Variants in CIITA observed in about 807,000 individuals in gnomAD.
CIITA encodes the protein class II major histocompatibility complex transactivator.
CIITA carries 72 observed loss-of-function variants against 115.1 expected under a neutral mutation model. The ratio of observed to expected loss-of-function variants is 0.63; its 90% CI spans 0.52 to 0.76. The LOEUF is 0.76. Among genes scored for constraint, CIITA ranks in the 30% least tolerant of loss-of-function variants. The pLI, the probability that CIITA is intolerant of heterozygous loss-of-function variation, is 0.00. For synonymous variants in CIITA, 763 were observed against 635.6 expected, an observed-to-expected ratio of 1.20 and a Z score of -3.02; for missense variants, 1,617 against 1,463.8, an observed-to-expected ratio of 1.10 and a Z score of -1.71.
rs1422244866 is a variant in CIITA, at chr16:10,923,367, G to C, written c.*22+42G>C. 1.4e-6 allele frequency: 2 copies of C among 1,466,016 alleles called. No individual in the cohort carries two copies. The highest frequency in any genetic ancestry group is 2.8e-5 in the African/African-American group (2 of 71,728). 90.8% of individuals were successfully genotyped at this position (1,466,016 alleles called of 1,614,324 possible). On this transcript the variant is annotated intron_variant, in intron 19 of 19. Transcript: ENST00000324288. The surrounding 1 kb of genome is among the most constrained non-coding windows in gnomAD (Gnocchi z 5.2). ...TGGGAGGGGAGAGCCGCAGTGGGTT[G>C]GGGGCAGTGTCCTTGTGAAGGTGGC... is the stretch of plus-strand genomic sequence containing the variant.
rs2040513564 is a variant in CIITA at position 10,925,911 on chromosome 16, G to GC, written c.*2056_*2057insC. ...CACAGCTCTGTCCTGGGAGTGAGCT[G>GC]GTTTTTAGCGGAGACGGAGTCCCAC... is the stretch of plus-strand genomic sequence containing the variant. On this transcript the variant is annotated 3_prime_UTR_variant, in exon 20 of 20. Coordinates refer to ENST00000324288, the MANE Select transcript of CIITA (RefSeq NM_000246.4). 6.6e-6 allele frequency: 1 copy of GC among 152,248 alleles called. No individual in the cohort carries two copies. The highest frequency in any genetic ancestry group is 2.4e-5 in the African/African-American group (1 of 41,462). The allele number at this position is 152,248 out of a possible 1,614,324, so 9.4% of individuals were successfully genotyped here. A position where few individuals can be genotyped will look rare whatever the true frequency, so the allele number is the denominator to read the frequency against.
In CIITA at chr16:10,931,896, A is replaced by T. The variant is rs2040814508; in HGVS notation, c.*8041A>T. ...ACAGAGTGAGACTCTGTCTCAAAAA[A>T]ACACAAAAGTTTCTCTTTTCAAAAC... is the stretch of plus-strand genomic sequence containing the variant. On this transcript the variant is annotated 3_prime_UTR_variant, in exon 20 of 20. Transcript: ENST00000324288. 2 of 152,256 alleles carry T rather than the reference A, an allele frequency of 1.3e-5. No individual in the cohort carries two copies. The highest frequency in any genetic ancestry group is 2.9e-5 in the Non-Finnish European group (2 of 68,052). The allele number at this position is 152,256 out of a possible 1,614,324, so 9.4% of individuals were successfully genotyped here.
chr16:10,919,381 G>A (rs960060564), intron 16 of CIITA, among the ~76,000 whole-genome samples: 9 of 152,130 alleles, frequency 5.9e-5, no homozygotes, highest in Non-Finnish European at 1.5e-5. Context: ...ATTTTTAGTA[G>A]AGACAGGGTT....
rs980896276 is a variant in CIITA at position 10,933,240 on chromosome 16, G to C, written c.*9385G>C. ...GCTGGTTTCTGTAGTCAGAATGACAGTTGGGTGCTAGATCCCCTTCGTGAA... is the reference window on the plus strand; with the variant it reads ...GCTGGTTTCTGTAGTCAGAATGACACTTGGGTGCTAGATCCCCTTCGTGAA... On this transcript the variant is annotated 3_prime_UTR_variant, in exon 20 of 20. Coordinates refer to ENST00000324288, the MANE Select transcript of CIITA (RefSeq NM_000246.4). 4.6e-5 allele frequency: 7 copies of C among 152,308 alleles called. No homozygotes were observed. Among genetic ancestry groups the C allele is most frequent in the Non-Finnish European group, 1.0e-4 (7 of 68,116 alleles). The allele number at this position is 152,308 out of a possible 1,614,324, so 9.4% of individuals were successfully genotyped here. A position where few individuals can be genotyped will look rare whatever the true frequency, so the allele number is the denominator to read the frequency against.
Position 10,927,103 on chromosome 16 carries a change from A to C in CIITA, c.*3248A>C, listed in dbSNP as rs2040563141. The C allele has an allele frequency of 6.6e-6, 1 of 152,222 alleles. No individual in the cohort carries two copies. 9.4% of individuals were successfully genotyped at this position (152,222 alleles called of 1,614,324 possible). A position where few individuals can be genotyped will look rare whatever the true frequency, so the allele number is the denominator to read the frequency against. On this transcript the variant is annotated 3_prime_UTR_variant, in exon 20 of 20. Transcript: ENST00000324288. The stretch of plus-strand genomic sequence containing the variant: ...GGCATAACCACAGCACCTTCTTTAT[A>C]GGATTATGTGAAGGTGTGGTGAGCT...
At chr16:10,887,436 C>T (rs1158241488) in intron 1 of CIITA, among the ~76,000 whole-genome samples, 1 of 152,108 alleles carries the variant, frequency 6.6e-6, no homozygotes, top group Non-Finnish European at 1.5e-5. Flanking sequence ...CAGAGGTCTT[C>T]CCATTATTCC....
chr16:10,869,342 C>A (rs1224072337), intron 1 of CIITA, among the ~76,000 whole-genome samples: 12 of 152,198 alleles, frequency 7.9e-5, no homozygotes, highest in Admixed American at 7.9e-4. Flanking sequence ...GCCTCAGAAC[C>A]TTTGCACATG....
intron 1 of CIITA, among the ~76,000 whole-genome samples, chr16:10,883,162 T>G (rs1391921295): frequency 6.6e-6 from 1 of 151,190 alleles, no homozygotes; most frequent in East Asian, 1.9e-4. Flanking sequence ...AGGACTGGAG[T>G]GTGGGGCCTG....
chr16:10,912,678 A>T (rs2039661161), intron 13 of CIITA, among the ~76,000 whole-genome samples: 1 of 152,224 alleles, frequency 6.6e-6, no homozygotes, highest in South Asian at 2.1e-4. Flanking sequence ...AATGATGCTG[A>T]AAAGGGGAAA....
chr16:10,883,966 C>T (rs756733896), intron 1 of CIITA, among the ~76,000 whole-genome samples: 5 of 152,204 alleles, frequency 3.3e-5, no homozygotes, highest in Non-Finnish European at 5.9e-5. Context: ...CAGACTGATA[C>T]ATTTGTTATA....
chr16:10,932,276 A>T lies in CIITA; in HGVS notation c.*8421A>T, dbSNP rs79072481. 2.6e-5 allele frequency: 4 copies of T among 152,350 alleles called. No homozygotes were observed. In the East Asian group the frequency reaches 7.7e-4, roughly 29 times the overall value. The allele number at this position is 152,350 out of a possible 1,614,324, so 9.4% of individuals were successfully genotyped here. On this transcript the variant is annotated 3_prime_UTR_variant, in exon 20 of 20. Coordinates refer to ENST00000324288, the MANE Select transcript of CIITA (RefSeq NM_000246.4). ...TGGCAAACGCTAAATGAAAATCGTG[A>T]CAACACTTGTGTTATGAAGCATTTA...
At chr16:10,914,935 C>A (rs977315934) in intron 13 of CIITA, 4 of 367,580 alleles carry the variant, frequency 1.1e-5, no homozygotes, top group Non-Finnish European at 2.2e-5. Context: ...CCCCAGGCTG[C>A]GGCGGGAGAA....
At chr16:10,913,053 C>G (rs1053264515) in intron 13 of CIITA, among the ~76,000 whole-genome samples, 2 of 152,250 alleles carry the variant, frequency 1.3e-5, no homozygotes, top group African/African-American at 4.8e-5. Flanking sequence ...ATCTCCTACA[C>G]TCGCTGGGTG....
chr16:10,901,962 G>T lies in CIITA; in HGVS notation c.482-76G>T. 1.3e-6 allele frequency: 2 copies of T among 1,580,790 alleles called. No individual in the cohort carries two copies. The highest frequency in any genetic ancestry group is 1.7e-6 in the Non-Finnish European group (2 of 1,155,176). On this transcript the variant is annotated intron_variant, in intron 6 of 19. Transcript: ENST00000324288. This position sits in a 1 kb window ranked among gnomAD's most constrained non-coding sequence, Gnocchi z 6.8. ...TTCCTCTGTCAGGAGAGACATCCATGCCACTCCAGGGCCCTCCCCATCCCA... is the reference window on the plus strand; with the variant it reads ...TTCCTCTGTCAGGAGAGACATCCATTCCACTCCAGGGCCCTCCCCATCCCA...
At chr16:10,914,512 A>G (rs1364521335) in intron 13 of CIITA, among the ~76,000 whole-genome samples, 1 of 152,272 alleles carries the variant, frequency 6.6e-6, no homozygotes, top group African/African-American at 2.4e-5. Context: ...TTACCAAAGA[A>G]TGATCATTCT....
rs2040766846 is a variant in CIITA at position 10,931,067 on chromosome 16, G to A, written c.*7212G>A. 1.3e-5 allele frequency: 2 copies of A among 152,764 alleles called. No homozygotes were observed. Among genetic ancestry groups the A allele is most frequent in the African/African-American group, 4.8e-5 (2 of 41,462 alleles). 9.5% of individuals were successfully genotyped at this position (152,764 alleles called of 1,614,324 possible). On this transcript the variant is annotated 3_prime_UTR_variant, in exon 20 of 20. Transcript: ENST00000324288. The stretch of plus-strand genomic sequence containing the variant: ...CAGCTGGATAGAGTGGTTCATGCTT[G>A]TAATCCCAGCACTTTGGGAGGCTGG...
chr16:10,919,230 G>A (rs1220773594), intron 16 of CIITA, among the ~76,000 whole-genome samples: 1 of 152,076 alleles, frequency 6.6e-6, no homozygotes, highest in African/African-American at 2.4e-5. Context: ...GTCTCGCTCT[G>A]TCACCCAGGC....
chr16:10,929,527 T>C lies in CIITA; in HGVS notation c.*5672T>C, dbSNP rs1251850613. ...TCTCCTGGGTTCAAACAGGAACCTC[T>C]CTGTTGGCACGAAGCTTTTGAGGGG... is the stretch of plus-strand genomic sequence containing the variant. On this transcript the variant is annotated 3_prime_UTR_variant, in exon 20 of 20. Coordinates refer to ENST00000324288, the MANE Select transcript of CIITA (RefSeq NM_000246.4). The surrounding 1 kb of genome is among the most constrained non-coding windows in gnomAD (Gnocchi z 4.3). The C allele has an allele frequency of 3.0e-6, 3 of 985,412 alleles. No individual in the cohort carries two copies. The African/African-American group carries it at 5.2e-5, about 17-fold the overall frequency. 61.0% of individuals were successfully genotyped at this position (985,412 alleles called of 1,614,324 possible).
rs565875933 is a variant in CIITA at position 10,896,160 on chromosome 16, CAT to C, written c.295+398_295+399del. The stretch of plus-strand genomic sequence containing the variant: ...TAATAACTAGCATTTACTGGATACT[CAT>C]AGTATGCTCATTGCTGTCCATACAT... On this transcript the variant is annotated intron_variant, in intron 3 of 19. Transcript: ENST00000324288. 8.4e-3 allele frequency among the ~76,000 whole-genome samples: 1,285 copies of C among 152,346 alleles called. 16 individuals carry two copies. The highest frequency in any genetic ancestry group is 0.016 in the South Asian group (75 of 4,828).
Sources: gnomAD v4.1 joint callset for allele counts (sites outside exome capture counted in the v4.1 genomes callset) on GRCh38, gnomAD v4.1.1 for gene constraint, Gnocchi (gnomAD v3.1) non-coding constraint, MANE v1.5 for transcripts, NCBI Gene and HGNC (gene_info 2026-07-23, HGNC 2026-07-21) for gene names.